ASIC2: variants seen among roughly 807,000 people sequenced by gnomAD.
The protein encoded by ASIC2 is acid-sensing ion channel 2.
ASIC2 carries 25 observed loss-of-function variants against 57.3 expected under a neutral mutation model. The observed-to-expected ratio is 0.44, with a 90% confidence interval of 0.32 to 0.61. The LOEUF (loss-of-function observed/expected upper bound fraction) is 0.61. Ranked by LOEUF, ASIC2 falls within the 20% of genes least tolerant of loss-of-function variation. ASIC2 has a pLI of 0.06. For missense variants in ASIC2, 641 were observed against 738.1 expected (o/e 0.87, Z 1.52); for synonymous variants, 319 against 307.5 (o/e 1.04, Z -0.39).
intron 1 of ASIC2, among the ~76,000 whole-genome samples, chr17:33,476,233 G>A (rs1427468068): frequency 6.6e-6 from 1 of 151,986 alleles, no homozygotes; most frequent in Non-Finnish European, 1.5e-5. Context: ...AGAGACCTTA[G>A]GAATACGTGA....
intron 1 of ASIC2, among the ~76,000 whole-genome samples, chr17:33,330,873 G>C (rs891011979): frequency 6.6e-6 from 1 of 152,060 alleles, no homozygotes; most frequent in Non-Finnish European, 1.5e-5. Flanking sequence ...ACTGGCCTAG[G>C]GTTTGCAGGC....
chr17:33,579,606 G>C (rs545869652), intron 1 of ASIC2, among the ~76,000 whole-genome samples: 1 of 152,192 alleles, frequency 6.6e-6, no homozygotes, highest in Non-Finnish European at 1.5e-5. Context: ...TGTGTCGGGA[G>C]TTTGTTCCTT....
chr17:34,083,299 T>G (rs1166603459), intron 1 of ASIC2, among the ~76,000 whole-genome samples: 1 of 151,848 alleles, frequency 6.6e-6, no homozygotes, highest in Admixed American at 6.6e-5. Flanking sequence ...TGCGATAGTT[T>G]ACTAAGAATG....
chr17:34,036,686 T>G (rs1013070225), intron 1 of ASIC2: 1,932 of 140,242 alleles, frequency 0.014, 71 homozygotes, highest in African/African-American at 0.046. Context: ...ATTTGTTTTT[T>G]TTTTTTTTTT....
intron 1 of ASIC2, among the ~76,000 whole-genome samples, chr17:33,578,485 G>C (rs1916716507): frequency 6.6e-6 from 1 of 152,130 alleles, no homozygotes; most frequent in Non-Finnish European, 1.5e-5. Context: ...AGTAAAATGG[G>C]TGGGCGAGAC....
At chr17:33,937,195 G>T (rs1234445886) in intron 1 of ASIC2, among the ~76,000 whole-genome samples, 1 of 152,176 alleles carries the variant, frequency 6.6e-6, no homozygotes, top group Non-Finnish European at 1.5e-5. Flanking sequence ...TCCGCCTCCT[G>T]TGTTCAAGTG....
chr17:33,973,665 G>A (rs1219903822), intron 1 of ASIC2, among the ~76,000 whole-genome samples: 3 of 152,190 alleles, frequency 2.0e-5, no homozygotes, highest in Admixed American at 2.0e-4. Flanking sequence ...ACAGAGAGGA[G>A]TGGCTTGTTC....
chr17:33,056,817 C>T (rs2091999928), intron 3 of ASIC2, among the ~76,000 whole-genome samples: 1 of 152,208 alleles, frequency 6.6e-6, no homozygotes, highest in African/African-American at 2.4e-5. Flanking sequence ...CAGCTCTTCT[C>T]CAGCCACCCA....
intron 3 of ASIC2, among the ~76,000 whole-genome samples, chr17:33,074,261 G>T (rs1421880321): frequency 6.6e-6 from 1 of 152,172 alleles, no homozygotes; most frequent in Admixed American, 6.5e-5. Flanking sequence ...TAGCCATATA[G>T]TAAAATCTTC....
At chr17:33,085,645 T>C (rs2141962375) in intron 3 of ASIC2, among the ~76,000 whole-genome samples, 1 of 152,344 alleles carries the variant, frequency 6.6e-6, no homozygotes, top group Middle Eastern at 3.4e-3. Context: ...ATTCAGCAAA[T>C]ATTTGCTGTA....
intron 1 of ASIC2, among the ~76,000 whole-genome samples, chr17:33,315,492 C>A (rs967334429): frequency 1.3e-5 from 2 of 152,122 alleles, no homozygotes; most frequent in Non-Finnish European, 2.9e-5. Flanking sequence ...AAAAAGGAAG[C>A]TCAAAGATGG....
intron 1 of ASIC2, among the ~76,000 whole-genome samples, chr17:33,839,905 C>T (rs562363796): frequency 2.6e-5 from 4 of 152,310 alleles, no homozygotes; most frequent in South Asian, 2.1e-4. Flanking sequence ...TGGGCAGCTC[C>T]GTGGACCTCC....
chr17:34,119,334 T>A (rs937836615), intron 1 of ASIC2, among the ~76,000 whole-genome samples: 2 of 152,228 alleles, frequency 1.3e-5, no homozygotes, highest in Non-Finnish European at 2.9e-5. Flanking sequence ...AGATCTCTTC[T>A]ACAAAGCATT....
chr17:34,139,956 AT>A (rs1355179734), intron 1 of ASIC2, among the ~76,000 whole-genome samples: 2 of 152,190 alleles, frequency 1.3e-5, no homozygotes, highest in Non-Finnish European at 2.9e-5. Context: ...TGTGATGTGG[AT>A]TGGGGGGGTG....
In ASIC2 at chr17:33,798,905, C is replaced by CT. The variant is rs140259862; in HGVS notation, c.555+357072dup. Among the ~76,000 whole-genome samples, 35 of 152,266 alleles carry CT rather than the reference C, an allele frequency of 2.3e-4. No homozygotes were observed. In the East Asian group the frequency reaches 6.8e-3, roughly 29 times the overall value. The stretch of plus-strand genomic sequence containing the variant: ...CTGGCACAGCTGTGGGCCCTGGAGA[C>CT]TACATTAGGTGGGTTCCTGAGCATA... On this transcript the variant is annotated intron_variant, in intron 1 of 9. Coordinates refer to the ASIC2 transcript ENST00000359872.
At position 33,200,151 on chromosome 17, in the gene ASIC2, C is replaced by T. The variant is rs368435142; in HGVS notation, c.709-88084G>A. On this transcript the variant is annotated intron_variant, in intron 1 of 9. Coordinates refer to ENST00000225823, the MANE Select transcript of ASIC2 (RefSeq NM_183377.2). ...TTCAGTGTTAGCTTTCTCTAACCCC[C>T]GAGCTTCTCTTCGCTAGCAATAACT... 6.6e-5 allele frequency among the ~76,000 whole-genome samples: 10 copies of T among 152,294 alleles called. No individual in the cohort carries two copies. In the East Asian group the frequency reaches 9.6e-4, roughly 15 times the overall value.
At chr17:33,520,068 A>G (rs1914694613) in intron 1 of ASIC2, among the ~76,000 whole-genome samples, 1 of 152,218 alleles carries the variant, frequency 6.6e-6, no homozygotes, top group Non-Finnish European at 1.5e-5. Context: ...CCTACCATCC[A>G]AGAGCTGATT....
In ASIC2 at chr17:33,355,751, T is replaced by C. The variant is rs374235184; in HGVS notation, c.556-243684A>G. Among the ~76,000 whole-genome samples, 181 of 152,356 alleles carry C rather than the reference T, an allele frequency of 1.2e-3. 2 individuals are homozygous for C. Among genetic ancestry groups the C allele is most frequent in the African/African-American group, 4.2e-3 (173 of 41,582 alleles). ...GTAAGATCTGTTTATTCATTCAACA[T>C]TTACTGTTTATCTACTATTCATTCA... is the stretch of plus-strand genomic sequence containing the variant. On this transcript the variant is annotated intron_variant, in intron 1 of 9. Coordinates refer to the ASIC2 transcript ENST00000359872.
At chr17:33,766,857 T>C (rs1910950421) in intron 1 of ASIC2, among the ~76,000 whole-genome samples, 1 of 152,238 alleles carries the variant, frequency 6.6e-6, no homozygotes, top group African/African-American at 2.4e-5. Flanking sequence ...TCCTCTCAAC[T>C]ACCATTGCCT....
Sources: gnomAD v4.1 joint callset for allele counts (sites outside exome capture counted in the v4.1 genomes callset) on GRCh38, gnomAD v4.1.1 for gene constraint, MANE v1.5 for transcripts, NCBI Gene and HGNC (gene_info 2026-07-23, HGNC 2026-07-21) for gene names.